Variants in EBLN1 observed in about 807,000 individuals in gnomAD.
EBLN1 encodes the protein endogenous Bornavirus like nucleoprotein 1, also known as endogenous Bornavirus-like nucleoprotein 1.
In EBLN1, 1 loss-of-function variant was observed where a neutral mutation model predicts 0.8. The ratio of observed to expected loss-of-function variants is 1.32; its 90% CI spans 0.47 to 6.26. The LOEUF is 6.26. EBLN1 is among the 30% of genes most tolerant of loss of function. The pLI is 0.15. For missense variants in EBLN1, 396 were observed against 447.9 expected (o/e 0.88, Z 1.05); for synonymous variants, 158 against 158.5 (o/e 1.00, Z 0.02).
chr10:22,216,729 A>G (rs182929378), intron 1 of EBLN1, among the ~76,000 whole-genome samples: 114 of 152,340 alleles, frequency 7.5e-4, no homozygotes, highest in Non-Finnish European at 1.4e-3. Context: ...AAAAGTTGCA[A>G]TAATTTATAA....
At chr10:22,212,497 T>C (rs1276780930) in intron 2 of EBLN1, among the ~76,000 whole-genome samples, 1 of 152,224 alleles carries the variant, frequency 6.6e-6, no homozygotes, top group South Asian at 2.1e-4. Context: ...AACCTAGTTA[T>C]TAACTTATGT....
chr10:22,210,134 G>GT (rs1834737524), intron 2 of EBLN1, 107 bp from the exon 3 acceptor site: 4 of 1,051,214 alleles, frequency 3.8e-6, no homozygotes, highest in Admixed American at 3.8e-5. Context: ...GTAATATTCA[G>GT]TTTTTTAGTC....
At chr10:22,217,480 C>A (rs187771533) in intron 1 of EBLN1, among the ~76,000 whole-genome samples, 2 of 152,224 alleles carry the variant, frequency 1.3e-5, no homozygotes, top group African/African-American at 4.8e-5. Context: ...GAGGAAAAAA[C>A]ATATCCTCTG....
Position 22,209,924 on chromosome 10 carries a change from C to T in EBLN1, c.60G>A (p.Gly20=). Reference sequence around the variant, plus strand: ...TCCCTTGAAAGTAATGGAAGCTGCTCCCATCCTTTGTACTGTCTTGTGGGC... The same window carrying T: ...TCCCTTGAAAGTAATGGAAGCTGCTTCCATCCTTTGTACTGTCTTGTGGGC... ...TSSPQDSTKD[G]SSFHYFQGRF... Residue 20 remains glycine, a synonymous_variant, in exon 3 of 3, where the codon GGG becomes GGA. Coordinates refer to ENST00000422359, the MANE Select transcript of EBLN1 (RefSeq NM_001394757.1). 1 of 1,469,008 alleles carries T rather than the reference C, an allele frequency of 6.8e-7. No homozygotes were observed. The highest frequency in any genetic ancestry group is 9.0e-7 in the Non-Finnish European group (1 of 1,117,292). The allele number at this position is 1,469,008 out of a possible 1,614,324, so 91.0% of individuals were successfully genotyped here.
chr10:22,213,546 C>G (rs867593681), intron 1 of EBLN1, among the ~76,000 whole-genome samples: 27 of 152,124 alleles, frequency 1.8e-4, no homozygotes, highest in Non-Finnish European at 2.9e-5. Flanking sequence ...TATTCATTTT[C>G]TTGAAGAAAA....
rs751394554 is a variant in EBLN1, at chr10:22,209,622, A to G, written c.362T>C (p.Phe121Ser). 1.3e-6 allele frequency: 2 copies of G among 1,535,960 alleles called. No homozygotes were observed. Among genetic ancestry groups the G allele is most frequent in the African/African-American group, 2.7e-5 (2 of 73,138 alleles). ...AGTGAAGGTAGGCAAAACATCTTCAAATTTGCTAGCATAGAGAGTACCTGT... is the reference window on the plus strand; with the variant it reads ...AGTGAAGGTAGGCAAAACATCTTCAGATTTGCTAGCATAGAGAGTACCTGT... ...KETGTLYASK[F>S]EDVLPTFTAL... Residue 121 changes from phenylalanine (F) to serine (S), a missense_variant, in exon 3 of 3, where the codon TTT (phenylalanine) becomes TCT (serine). By Grantham distance (155) the Phe-to-Ser change is radical (BLOSUM62 -2). Coordinates refer to ENST00000422359, the MANE Select transcript of EBLN1 (RefSeq NM_001394757.1).
At position 22,209,288 on chromosome 10, in the gene EBLN1, T is replaced by C. The variant is rs771732946; in HGVS notation, c.696A>G (p.Ala232=). 18 of 1,594,596 alleles carry C rather than the reference T, an allele frequency of 1.1e-5. No individual in the cohort carries two copies. Among genetic ancestry groups the C allele is most frequent in the Non-Finnish European group, 1.4e-5 (17 of 1,177,674 alleles). Residue 232 remains alanine, a synonymous_variant, in exon 3 of 3, where the codon GCA becomes GCG. Transcript: ENST00000422359. The part of the protein sequence containing the change: ...LDQVKVVASK[A]QMMTYYTVRM... The stretch of plus-strand genomic sequence containing the variant: ...TCACAGTGTAGTAGGTCATCATCTG[T>C]GCTTTGCTGGCAACTACTTTAACTT...
chr10:22,216,462 C>G (rs2131946816), intron 1 of EBLN1, among the ~76,000 whole-genome samples: 1 of 152,214 alleles, frequency 6.6e-6, no homozygotes, highest in Non-Finnish European at 1.5e-5. Context: ...CCAATAGACT[C>G]AAACAGGGCA....
chr10:22,211,318 G>T (rs1279824328), intron 2 of EBLN1, among the ~76,000 whole-genome samples: 1 of 151,918 alleles, frequency 6.6e-6, no homozygotes, highest in Admixed American at 6.6e-5. Flanking sequence ...GGTAGAAAAA[G>T]GTGAGATTTA....
In EBLN1 at chr10:22,214,377, G is replaced by A. The variant is rs180877282; in HGVS notation, c.-168-1412C>T. Among the ~76,000 whole-genome samples the A allele has an allele frequency of 1.7e-4, 26 of 148,906 alleles. No individual in the cohort carries two copies. In the East Asian group the frequency reaches 4.7e-3, roughly 27 times the overall value. On this transcript the variant is annotated intron_variant, in intron 1 of 2. Transcript: ENST00000422359. ...TGTAGTGACACCATCATGGTTCACC[G>A]CTGCTGCAACCTCCTGGGCTCAAGC... is the stretch of plus-strand genomic sequence containing the variant.
In EBLN1 at chr10:22,209,283, A is replaced by G. The variant is rs184227086; in HGVS notation, c.701T>C (p.Met234Thr). ...CATTCTCACAGTGTAGTAGGTCATC[A>G]TCTGTGCTTTGCTGGCAACTACTTT... Reference protein sequence around the residue: ...QVKVVASKAQMMTYYTVRMFL... With the variant: ...QVKVVASKAQTMTYYTVRMFL... The change falls in exon 3 of 3, where the codon ATG (methionine) becomes ACG (threonine). Residue 234 changes from methionine (M) to threonine (T), a missense_variant. Coordinates refer to ENST00000422359, the MANE Select transcript of EBLN1 (RefSeq NM_001394757.1). 709 of 1,593,166 alleles carry G rather than the reference A, an allele frequency of 4.5e-4. 4 individuals carry two copies. The African/African-American group carries it at 8.6e-3, about 19-fold the overall frequency.
intron 1 of EBLN1, among the ~76,000 whole-genome samples, 56 bp downstream of exon 1, chr10:22,217,860 A>G (rs1170494): frequency 0.31 from 46,678 of 152,128 alleles, 8,207 homozygotes; most frequent in African/African-American, 0.49. Context: ...ACACTGCTGT[A>G]AATATACTAC....
Position 22,208,488 on chromosome 10 carries a change from A to G in EBLN1, c.*395T>C, listed in dbSNP as rs1488906609. ...ATAGTGCTAGGATAAGTGATAATGC[A>G]TCAGATTTATTTCAACATAATTATA... On this transcript the variant is annotated 3_prime_UTR_variant, in exon 3 of 3. Coordinates refer to ENST00000422359, the MANE Select transcript of EBLN1 (RefSeq NM_001394757.1). 6.6e-6 allele frequency among the ~76,000 whole-genome samples: 1 copy of G among 152,254 alleles called. No homozygotes were observed. The highest frequency in any genetic ancestry group is 1.5e-5 in the Non-Finnish European group (1 of 68,034).
chr10:22,215,793 T>C (rs1219878227), intron 1 of EBLN1, among the ~76,000 whole-genome samples: 1 of 152,100 alleles, frequency 6.6e-6, no homozygotes, highest in African/African-American at 2.4e-5. Context: ...CATGAAGAAA[T>C]GAAACATCTT....
At chr10:22,217,282 C>T (rs1256363496) in intron 1 of EBLN1, among the ~76,000 whole-genome samples, 1 of 152,122 alleles carries the variant, frequency 6.6e-6, no homozygotes, top group African/African-American at 2.4e-5. Context: ...CGTGCCACCA[C>T]GCCCAGCTAA....
chr10:22,215,176 A>G (rs1339506724), intron 1 of EBLN1, among the ~76,000 whole-genome samples: 1 of 152,212 alleles, frequency 6.6e-6, no homozygotes, highest in Non-Finnish European at 1.5e-5. Context: ...TAATAGGTAC[A>G]TGATTCCTTG....
Position 22,209,822 on chromosome 10 carries a change from C to T in EBLN1, c.162G>A (p.Lys54=). 6.5e-7 allele frequency: 1 copy of T among 1,532,636 alleles called. No homozygotes were observed. Among genetic ancestry groups the T allele is most frequent in the Non-Finnish European group, 8.7e-7 (1 of 1,145,326 alleles). The allele number at this position is 1,532,636 out of a possible 1,614,324, so 94.9% of individuals were successfully genotyped here. Residue 54 remains lysine (K), a synonymous_variant, in exon 3 of 3, where the codon AAG becomes AAA. Coordinates refer to ENST00000422359, the MANE Select transcript of EBLN1 (RefSeq NM_001394757.1). ...TAGACTTAGTTGCTTTTTCAATGAC[C>T]TTAACATCTCCAATACCAGGTTGGG... ...LEPQPGIGDV[K]VIEKATKSML...
Position 22,209,703 on chromosome 10 carries a change from A to T in EBLN1, c.281T>A (p.Leu94His). The change falls in exon 3 of 3, where the codon CTC (leucine) becomes CAC (histidine). Residue 94 changes from leucine to histidine, a missense_variant. Coordinates refer to ENST00000422359, the MANE Select transcript of EBLN1 (RefSeq NM_001394757.1). ...AGACCTTTTGCTCACACCGACACTG[A>T]GTAGTGCCTTGTGTAATCCATCGAA... ...FIFDGLHKALLSVGVSKRSNI... is the reference protein window; with the variant it reads ...FIFDGLHKALHSVGVSKRSNI... 1 of 1,535,906 alleles carries T rather than the reference A, an allele frequency of 6.5e-7. No homozygotes were observed.
In EBLN1 at chr10:22,211,435, G is replaced by C. The variant is rs1834754340; in HGVS notation, c.-45+1407C>G. 1.3e-5 allele frequency among the ~76,000 whole-genome samples: 2 copies of C among 152,038 alleles called. 1 individual carries two copies. The highest frequency in any genetic ancestry group is 4.8e-5 in the African/African-American group (2 of 41,382). ...AGCACATATAAATTATAGCATTTTT[G>C]TTATTTCCTTATGTTTACACAAAGA... On this transcript the variant is annotated intron_variant, in intron 2 of 2. Transcript: ENST00000422359.
Sources: allele counts gnomAD v4.1 joint callset (sites outside exome capture counted in the v4.1 genomes callset), GRCh38; gene constraint gnomAD v4.1.1; transcripts MANE v1.5; gene names NCBI Gene and HGNC (gene_info 2026-07-23, HGNC 2026-07-21).